The following SFMBT2 variants were observed in gnomAD, a reference collection of about 807,000 sequenced individuals.
SFMBT2 encodes scm-like with four MBT domains protein 2.
Under a neutral mutation model 110.1 loss-of-function variants are expected in SFMBT2, and 38 were observed. That is an observed-to-expected ratio of 0.35 (90% confidence interval 0.27 to 0.45). SFMBT2 has a LOEUF of 0.45. Among genes scored for constraint, SFMBT2 ranks in the 20% least tolerant of loss-of-function variants. The pLI is 1.00. For missense variants in SFMBT2, 1,011 were observed against 1,094.9 expected (o/e 0.92, Z 1.08); for synonymous variants, 425 against 425.4 (o/e 1.00, Z 0.01).
intron 10 of SFMBT2, among the ~76,000 whole-genome samples, chr10:7,222,272 G>C (rs1839766703): frequency 1.3e-5 from 2 of 152,256 alleles, no homozygotes; most frequent in South Asian, 4.1e-4. Context: ...GTCATTTTCA[G>C]TGATTGTGAT....
At chr10:7,204,615 TG>T (rs1329448103) in intron 12 of SFMBT2, 1 of 598,516 alleles carries the variant, frequency 1.7e-6, no homozygotes, top group Non-Finnish European at 2.1e-6. Flanking sequence ...GTGGCCAAAG[TG>T]TAATTCCAGC....
intron 4 of SFMBT2, among the ~76,000 whole-genome samples, chr10:7,344,531 CT>C (rs1472421179): frequency 6.6e-6 from 1 of 152,104 alleles, no homozygotes; most frequent in Non-Finnish European, 1.5e-5. Context: ...CCATTAAACC[CT>C]TTTTTTCTAT....
intron 7 of SFMBT2, among the ~76,000 whole-genome samples, chr10:7,268,104 AAAGT>A (rs1841451823): frequency 6.6e-6 from 1 of 152,214 alleles, no homozygotes; most frequent in Non-Finnish European, 1.5e-5. Flanking sequence ...TGGGAACGAA[AAAGT>A]AATATGGAGG....
chr10:7,295,699 T>C (rs1329526792), intron 4 of SFMBT2, among the ~76,000 whole-genome samples: 4 of 152,242 alleles, frequency 2.6e-5, no homozygotes, highest in African/African-American at 9.6e-5. Context: ...TCAGTGTTCG[T>C]TTCAGCATGT....
chr10:7,280,960 G>T (rs1186871874), intron 6 of SFMBT2, among the ~76,000 whole-genome samples: 2 of 152,182 alleles, frequency 1.3e-5, no homozygotes, highest in African/African-American at 4.8e-5. Context: ...TAAAACAAGG[G>T]CCACGTGGAG....
intron 10 of SFMBT2, 138 bp downstream of exon 10, chr10:7,227,717 A>G (rs766976596): frequency 3.9e-5 from 28 of 714,660 alleles, no homozygotes; most frequent in Non-Finnish European, 5.3e-5. Context: ...AGAGCTTTCC[A>G]AAAACTACAG....
At position 7,273,630 on chromosome 10, in the gene SFMBT2, C is replaced by T. The variant is rs1038102874; in HGVS notation, c.870+3262G>A. ...TAATGCTATCCCTCCCCACACCCCA[C>T]GACAGACCCCAGTGTGTGGTGTTCC... On this transcript the variant is annotated intron_variant, in intron 7 of 20. Transcript: ENST00000397167. Among the ~76,000 whole-genome samples the T allele has an allele frequency of 5.9e-5, 9 of 152,292 alleles. No individual in the cohort carries two copies. The South Asian group carries it at 8.3e-4, about 14-fold the overall frequency.
At chr10:7,404,958 C>G (rs1292487347) in intron 1 of SFMBT2, among the ~76,000 whole-genome samples, 1 of 152,208 alleles carries the variant, frequency 6.6e-6, no homozygotes, top group Non-Finnish European at 1.5e-5. Context: ...ACTATCTTCC[C>G]TTCCTTACAA....
At chr10:7,366,612 G>A (rs1462879007) in intron 4 of SFMBT2, among the ~76,000 whole-genome samples, 1 of 152,196 alleles carries the variant, frequency 6.6e-6, no homozygotes, top group Admixed American at 6.5e-5. Flanking sequence ...GTGGCATCAA[G>A]AGCCTGCAAG....
chr10:7,284,336 C>T (rs1261373796), intron 5 of SFMBT2, 186 bp from the exon 6 acceptor site: 2 of 1,406,534 alleles, frequency 1.4e-6, no homozygotes, highest in Admixed American at 3.1e-5. Flanking sequence ...CCCTCCCACA[C>T]ATCCATGTAC....
At chr10:7,183,695 G>T (rs1361388052) in intron 16 of SFMBT2, among the ~76,000 whole-genome samples, 1 of 152,200 alleles carries the variant, frequency 6.6e-6, no homozygotes, top group African/African-American at 2.4e-5. Flanking sequence ...TGGCCATGAA[G>T]AAGAGAGAAA....
At chr10:7,365,363 T>G (rs988470964) in intron 4 of SFMBT2, among the ~76,000 whole-genome samples, 17 of 152,242 alleles carry the variant, frequency 1.1e-4, no homozygotes, top group Non-Finnish European at 1.5e-5. Context: ...TTTTCCTTGC[T>G]ATTTCAGATG....
chr10:7,390,702 T>G lies in SFMBT2; in HGVS notation c.-51-8753A>C, dbSNP rs540709847. 7.9e-5 allele frequency among the ~76,000 whole-genome samples: 12 copies of G among 152,352 alleles called. No individual in the cohort carries two copies. The South Asian group carries it at 2.5e-3, about 32-fold the overall frequency. On this transcript the variant is annotated intron_variant, in intron 1 of 20. Transcript: ENST00000397167. ...GACACTTATTAAAAGGGGAAAAGTT[T>G]GCTCAAGTCTTATGACTCCTCATTA...
chr10:7,275,776 T>C (rs1005090713), intron 7 of SFMBT2, among the ~76,000 whole-genome samples: 2 of 152,230 alleles, frequency 1.3e-5, no homozygotes, highest in South Asian at 2.1e-4. Context: ...GGGTCAATGA[T>C]TTGCCACAGC....
At chr10:7,298,308 C>A (rs1239121913) in intron 4 of SFMBT2, among the ~76,000 whole-genome samples, 2 of 152,146 alleles carry the variant, frequency 1.3e-5, no homozygotes, top group Non-Finnish European at 2.9e-5. Flanking sequence ...GTACTGAGCA[C>A]CCCCTAGACA....
intron 11 of SFMBT2, chr10:7,215,510 G>A (rs990566521): frequency 3.1e-6 from 3 of 977,214 alleles, no homozygotes; most frequent in African/African-American, 3.5e-5. Context: ...TCCTGAGGCA[G>A]GGGTTGTTTT....
chr10:7,313,193 TATA>T (rs1170990100), intron 4 of SFMBT2, among the ~76,000 whole-genome samples: 4 of 149,202 alleles, frequency 2.7e-5, no homozygotes, highest in African/African-American at 4.9e-5. Context: ...ATATATTATA[TATA>T]ATAACATATA....
intron 16 of SFMBT2, among the ~76,000 whole-genome samples, chr10:7,186,421 T>C (rs1838406014): frequency 1.3e-5 from 1 of 77,448 alleles, no homozygotes; most frequent in South Asian, 3.4e-4. Flanking sequence ...ATACATACTA[T>C]ATATACACAC....
chr10:7,314,542 G>A (rs991464412), intron 4 of SFMBT2, among the ~76,000 whole-genome samples: 21 of 152,168 alleles, frequency 1.4e-4, no homozygotes, highest in Non-Finnish European at 2.6e-4. Flanking sequence ...AAGATGTTGG[G>A]TTATTATCCC....
Sources: allele counts gnomAD v4.1 joint callset (sites outside exome capture counted in the v4.1 genomes callset), GRCh38; gene constraint gnomAD v4.1.1; transcripts MANE v1.5; gene names NCBI Gene and HGNC (gene_info 2026-07-23, HGNC 2026-07-21).